WWP1: variants seen among roughly 807,000 people sequenced by gnomAD.
WWP1 encodes NEDD4-like E3 ubiquitin-protein ligase WWP1.
Under a neutral mutation model 130.6 loss-of-function variants are expected in WWP1, and 49 were observed. The observed-to-expected ratio is 0.38, with a 90% CI of 0.30 to 0.48. WWP1 has a LOEUF of 0.48. WWP1 is among the 20% of genes least tolerant of loss of function. The pLI, the probability that WWP1 is intolerant of heterozygous loss-of-function variation, is 0.99. For missense variants in WWP1, 809 were observed against 1,100.6 expected, an observed-to-expected ratio of 0.74 and a Z score of 3.75; for synonymous variants, 332 against 367.8, an observed-to-expected ratio of 0.90 and a Z score of 1.11.
intron 20 of WWP1, among the ~76,000 whole-genome samples, chr8:86,450,819 T>C (rs1811132080): frequency 6.6e-6 from 1 of 152,146 alleles, no homozygotes; most frequent in Non-Finnish European, 1.5e-5. Flanking sequence ...TGGAAATATA[T>C]ATGAAGTACT....
intron 9 of WWP1, among the ~76,000 whole-genome samples, chr8:86,416,275 C>T (rs553717404): frequency 1.3e-5 from 2 of 152,136 alleles, no homozygotes; most frequent in South Asian, 4.2e-4. Context: ...TGTGTGAAGA[C>T]AAAGGGAAGG....
rs761476274 is a variant in WWP1 at position 86,411,699 on chromosome 8, A to G, written c.886A>G (p.Ile296Val). 2 of 1,614,204 alleles carry G rather than the reference A, an allele frequency of 1.2e-6. No individual in the cohort carries two copies. The highest frequency in any genetic ancestry group is 4.5e-5 in the East Asian group (2 of 44,874). Residue 296 changes from isoleucine (I) to valine (V), a missense_variant, in exon 9 of 25, where the codon ATT becomes GTT. By Grantham distance (29) the Ile-to-Val change is conservative (BLOSUM62 3). This residue lies in a region of WWP1 where 262 missense variants were observed against 346.0 expected (regional missense o/e 0.76). Transcript: ENST00000517970. ...ILTSSENNEC[I>V]PSTSAELESE... ...GACTTCCTCAGAAAACAATGAATGT[A>G]TTCCTTCTACCAGTGCAGAATTGGA...
chr8:86,380,553 A>G (rs1480878573), intron 3 of WWP1, among the ~76,000 whole-genome samples, 173 bp from the exon 4 acceptor site: 1 of 152,204 alleles, frequency 6.6e-6, no homozygotes, highest in Non-Finnish European at 1.5e-5. Flanking sequence ...TGTTACAGAA[A>G]CATTCAAATG....
intron 21 of WWP1, among the ~76,000 whole-genome samples, chr8:86,454,948 C>T (rs1455940049): frequency 6.6e-6 from 1 of 151,974 alleles, no homozygotes; most frequent in Non-Finnish European, 1.5e-5. Context: ...CAGATTTTGT[C>T]TTGTTTTGCT....
At chr8:86,356,156 A>C (rs17681618) in intron 1 of WWP1, among the ~76,000 whole-genome samples, 1 of 119,622 alleles carries the variant, frequency 8.4e-6, no homozygotes, top group African/African-American at 5.2e-5. Flanking sequence ...GGCCTGGTTC[A>C]GGTTCCGTGT....
rs548060917 is a variant in WWP1, at chr8:86,463,112, C to A, written c.2669+1266C>A. ...CTAGCTTGCTTTCTTTTATGGAACA[C>A]TATTTTTACTTGAAAGAATGACCCA... On this transcript the variant is annotated intron_variant, in intron 24 of 24. Coordinates refer to ENST00000517970, the MANE Select transcript of WWP1 (RefSeq NM_007013.4). Among the ~76,000 whole-genome samples the A allele has an allele frequency of 9.9e-5, 15 of 152,184 alleles. No homozygotes were observed. In the East Asian group the frequency reaches 2.9e-3, roughly 29 times the overall value.
chr8:86,428,267 A>G (rs911625432), intron 11 of WWP1, among the ~76,000 whole-genome samples: 14 of 152,282 alleles, frequency 9.2e-5, no homozygotes, highest in Admixed American at 7.8e-4. Context: ...TGCTCCATCA[A>G]AGATATTTCT....
intron 1 of WWP1, among the ~76,000 whole-genome samples, chr8:86,348,732 A>G (rs1822746015): frequency 6.6e-6 from 1 of 152,210 alleles, no homozygotes; most frequent in African/African-American, 2.4e-5. Context: ...GTAATTAATT[A>G]TACCTCTCCT....
At chr8:86,364,920 A>T (rs1234732546) in intron 1 of WWP1, among the ~76,000 whole-genome samples, 5 of 152,156 alleles carry the variant, frequency 3.3e-5, no homozygotes, top group Non-Finnish European at 7.4e-5. Context: ...TTAAAAATAC[A>T]ATTGAGTAGA....
chr8:86,428,588 TC>T (rs1372457395), intron 11 of WWP1, among the ~76,000 whole-genome samples: 5 of 152,202 alleles, frequency 3.3e-5, no homozygotes, highest in Non-Finnish European at 4.4e-5. Flanking sequence ...TCTGGCTCTT[TC>T]AACCACATTT....
At chr8:86,413,508 C>T (rs978886183) in intron 9 of WWP1, among the ~76,000 whole-genome samples, 2 of 152,164 alleles carry the variant, frequency 1.3e-5, no homozygotes, top group East Asian at 3.9e-4. Flanking sequence ...GAGGAGTTAC[C>T]TGCGCCGTTG....
At chr8:86,345,568 C>T (rs1265541963) in intron 1 of WWP1, among the ~76,000 whole-genome samples, 1 of 151,630 alleles carries the variant, frequency 6.6e-6, no homozygotes, top group African/African-American at 2.4e-5. Context: ...TGCCACCACA[C>T]CCGGCTAATT....
chr8:86,365,437 C>A (rs993189492), intron 1 of WWP1, among the ~76,000 whole-genome samples: 2 of 151,994 alleles, frequency 1.3e-5, no homozygotes, highest in Admixed American at 6.6e-5. Context: ...AAAATAAACA[C>A]CCAAATTAAA....
intron 7 of WWP1, 151 bp downstream of exon 7, chr8:86,398,789 G>C (rs1164899016): frequency 1.3e-6 from 1 of 781,412 alleles, no homozygotes; most frequent in Non-Finnish European, 2.0e-6. Flanking sequence ...TGTGAAAGTA[G>C]CTTTTTAAAA....
chr8:86,390,566 C>T (rs1340810146), intron 5 of WWP1, among the ~76,000 whole-genome samples: 2 of 152,142 alleles, frequency 1.3e-5, no homozygotes, highest in East Asian at 1.9e-4. Context: ...TGGCAGCGGG[C>T]GCCTGCAATC....
intron 2 of WWP1, among the ~76,000 whole-genome samples, chr8:86,372,514 C>A (rs1824381454): frequency 3.9e-5 from 6 of 152,186 alleles, no homozygotes; most frequent in Admixed American, 3.9e-4. Context: ...TGAGAGGACA[C>A]AAAACAATAG....
At chr8:86,459,023 C>CTTTTTTTTTTT (rs71275853) in intron 22 of WWP1, among the ~76,000 whole-genome samples, 108 of 84,200 alleles carry the variant, frequency 1.3e-3, no homozygotes, top group East Asian at 2.1e-3. Flanking sequence ...TTTCTTTTTT[C>CTTTTTTTTTTT]TTTTTTTTTT....
At chr8:86,387,114 C>A (rs899701598) in intron 5 of WWP1, 2 of 152,162 alleles carry the variant, frequency 1.3e-5, no homozygotes, top group Non-Finnish European at 2.9e-5. Context: ...TTTCAACATA[C>A]AAATTTTGTG....
At position 86,362,756 on chromosome 8, in the gene WWP1, A is replaced by G. The variant is rs945799452; in HGVS notation, c.-114-6183A>G. ...GGGTATATTTAATTTCAAGGACTCA[A>G]TGCTAGACAAGATCGAGTGTAGTGT... On this transcript the variant is annotated intron_variant, in intron 1 of 24. Transcript: ENST00000517970. Among the ~76,000 whole-genome samples the G allele has an allele frequency of 3.9e-5, 6 of 152,174 alleles. No homozygotes were observed. The East Asian group carries it at 9.6e-4, about 24-fold the overall frequency.
Sources: gnomAD v4.1 joint callset for allele counts (sites outside exome capture counted in the v4.1 genomes callset) on GRCh38, gnomAD v4.1.1 for gene constraint, gnomAD v4.1.1 regional missense constraint, MANE v1.5 for transcripts, NCBI Gene and HGNC (gene_info 2026-07-23, HGNC 2026-07-21) for gene names.